Variants in PRLR observed in about 807,000 individuals in gnomAD.
The protein encoded by PRLR is prolactin receptor.
Under a neutral mutation model 40.2 loss-of-function variants are expected in PRLR, and 13 were observed. The observed-to-expected ratio is 0.32, with a 90% CI of 0.21 to 0.51. PRLR has a LOEUF of 0.51. Ranked by LOEUF, PRLR falls within the 20% of genes least tolerant of loss-of-function variation. The pLI is 0.97. For missense variants in PRLR, 656 were observed against 747.3 expected (o/e 0.88, Z 1.42); for synonymous variants, 269 against 278.7 (o/e 0.97, Z 0.35).
rs1355251502 is a variant in PRLR at position 35,171,599 on chromosome 5, A to C, written c.-105-53477T>G. On this transcript the variant is annotated intron_variant, in intron 1 of 9. Transcript: ENST00000618457. The stretch of plus-strand genomic sequence containing the variant: ...CATTGCTGGCATTTTAATGGGGTCC[A>C]GGACACTATGGGGAGGGGATTTAGG... Among the ~76,000 whole-genome samples, 4 of 152,226 alleles carry C rather than the reference A, an allele frequency of 2.6e-5. No individual in the cohort carries two copies. The East Asian group carries it at 7.7e-4, about 29-fold the overall frequency.
At chr5:35,217,405 T>C (rs1604422) in intron 1 of PRLR, among the ~76,000 whole-genome samples, 137,130 of 152,288 alleles carry the variant, frequency 0.9, 62,477 homozygotes, top group African/African-American at 0.96. Context: ...ATCTGTTCTT[T>C]TATACTTTTC....
At chr5:35,066,708 A>G (rs1769390173) in intron 9 of PRLR, among the ~76,000 whole-genome samples, 1 of 140,904 alleles carries the variant, frequency 7.1e-6, no homozygotes, top group Non-Finnish European at 1.5e-5. Context: ...CCCTGCTTCT[A>G]TCCTTCCTTT....
intron 1 of PRLR, among the ~76,000 whole-genome samples, chr5:35,155,368 T>C (rs1233601697): frequency 6.6e-6 from 1 of 152,112 alleles, no homozygotes; most frequent in Non-Finnish European, 1.5e-5. Context: ...GGAAGTTAAT[T>C]TGTATACACA....
intron 1 of PRLR, among the ~76,000 whole-genome samples, chr5:35,206,947 TA>T (rs1332677101): frequency 6.6e-6 from 1 of 152,140 alleles, no homozygotes; most frequent in Non-Finnish European, 1.5e-5. Context: ...AATACTGGGT[TA>T]AACTCAGTTG....
chr5:35,112,575 CA>C (rs1561310050), intron 2 of PRLR, among the ~76,000 whole-genome samples: 2 of 151,982 alleles, frequency 1.3e-5, no homozygotes, highest in Non-Finnish European at 2.9e-5. Context: ...GCACTGGGCT[CA>C]AGGTGAAAAC....
At chr5:35,048,927 T>C (rs957184002) in exon 9 of PRLR, 9 of 354,716 alleles carry the variant, frequency 2.5e-5, no homozygotes, top group African/African-American at 1.7e-4. Flanking sequence ...GTAGATATCA[T>C]TAATCTTGGG....
rs369509316 is a variant in PRLR, at chr5:35,202,980, C to A, written c.-106+27288G>T. Among the ~76,000 whole-genome samples the A allele has an allele frequency of 2.6e-5, 4 of 152,230 alleles. No homozygotes were observed. In the East Asian group the frequency reaches 7.7e-4, roughly 29 times the overall value. On this transcript the variant is annotated intron_variant, in intron 1 of 9. Transcript: ENST00000618457. The stretch of plus-strand genomic sequence containing the variant: ...CTGACAATCAAATAGGGACGTGTTG[C>A]AAAGTGAGCCCCCCATTGGCCTTGT...
At chr5:35,176,284 A>G (rs2111962509) in intron 1 of PRLR, among the ~76,000 whole-genome samples, 1 of 152,360 alleles carries the variant, frequency 6.6e-6, no homozygotes, top group Non-Finnish European at 1.5e-5. Flanking sequence ...CAAAAAAACC[A>G]TCATTAATTC....
chr5:35,101,115 C>G (rs1771850562), intron 2 of PRLR, among the ~76,000 whole-genome samples: 1 of 152,228 alleles, frequency 6.6e-6, no homozygotes, highest in Non-Finnish European at 1.5e-5. Context: ...ATTGTCCCGT[C>G]TGGAATACCA....
intron 1 of PRLR, among the ~76,000 whole-genome samples, chr5:35,131,013 G>A (rs1428867091): frequency 6.6e-6 from 1 of 152,142 alleles, no homozygotes; most frequent in Non-Finnish European, 1.5e-5. Flanking sequence ...CTGAAACCTT[G>A]ATTCCACACT....
chr5:35,218,778 C>A (rs904429738), intron 1 of PRLR, among the ~76,000 whole-genome samples: 1 of 152,022 alleles, frequency 6.6e-6, no homozygotes, highest in African/African-American at 2.4e-5. Flanking sequence ...ATATGACTCT[C>A]TTTTTTTAAT....
chr5:35,120,542 A>C (rs1030880543), intron 1 of PRLR, among the ~76,000 whole-genome samples: 2 of 152,152 alleles, frequency 1.3e-5, no homozygotes, highest in Non-Finnish European at 2.9e-5. Context: ...CAACATGAGG[A>C]TATACCATTA....
chr5:35,099,254 C>T (rs1771712133), intron 2 of PRLR, among the ~76,000 whole-genome samples: 1 of 152,118 alleles, frequency 6.6e-6, no homozygotes, highest in Non-Finnish European at 1.5e-5. Context: ...ACAAACTTTG[C>T]CCACTGTAGA....
intron 1 of PRLR, among the ~76,000 whole-genome samples, chr5:35,144,596 G>A (rs1341166054): frequency 6.6e-6 from 1 of 151,836 alleles, no homozygotes; most frequent in Non-Finnish European, 1.5e-5. Context: ...TGGGATTACA[G>A]GTGCACACCA....
At chr5:35,145,276 A>C (rs773269806) in intron 1 of PRLR, among the ~76,000 whole-genome samples, 3 of 141,544 alleles carry the variant, frequency 2.1e-5, no homozygotes, top group African/African-American at 7.6e-5. Context: ...GATTTAATAA[A>C]AGAAGAACAA....
intron 5 of PRLR, among the ~76,000 whole-genome samples, chr5:35,077,319 C>T (rs1309453441): frequency 2.0e-5 from 3 of 152,074 alleles, no homozygotes; most frequent in African/African-American, 7.2e-5. Context: ...TGCAGAGACA[C>T]ACATAGGCTC....
chr5:35,202,252 T>C (rs1775901655), intron 1 of PRLR, among the ~76,000 whole-genome samples: 1 of 152,202 alleles, frequency 6.6e-6, no homozygotes, highest in Admixed American at 6.5e-5. Flanking sequence ...AAGTGCAATC[T>C]AGCAGAGAAA....
chr5:35,179,953 A>G (rs1388998404), intron 1 of PRLR, among the ~76,000 whole-genome samples: 1 of 152,188 alleles, frequency 6.6e-6, no homozygotes, highest in Admixed American at 6.5e-5. Context: ...GTAATATTTA[A>G]TGAAATAATT....
intron 1 of PRLR, among the ~76,000 whole-genome samples, chr5:35,181,723 G>A (rs1775302238): frequency 6.6e-6 from 1 of 152,170 alleles, no homozygotes; most frequent in African/African-American, 2.4e-5. Flanking sequence ...GCCTTCTTAA[G>A]CAGAAAAGGC....
Sources: allele counts gnomAD v4.1 joint callset (sites outside exome capture counted in the v4.1 genomes callset), GRCh38; gene constraint gnomAD v4.1.1; transcripts MANE v1.5; gene names NCBI Gene and HGNC (gene_info 2026-07-23, HGNC 2026-07-21).